Variants in ITPRID1 observed in about 807,000 individuals in gnomAD.
ITPRID1 encodes protein ITPRID1.
Under a neutral mutation model 95.4 loss-of-function variants are expected in ITPRID1, and 96 were observed. The observed-to-expected ratio is 1.01, with a 90% CI of 0.85 to 1.19. The LOEUF is 1.19. Among genes scored for constraint, ITPRID1 ranks in the 50% most tolerant of loss-of-function variants. The probability of loss-of-function intolerance (pLI) is 0.00; values close to 1 mark genes in which losing one functional copy is unlikely to be tolerated. For missense variants in ITPRID1, 1,339 were observed against 1,252.9 expected (o/e 1.07, Z -1.04); for synonymous variants, 510 against 453.6 (o/e 1.12, Z -1.58).
intron 10 of ITPRID1, among the ~76,000 whole-genome samples, chr7:31,592,358 A>C (rs889470886): frequency 3.9e-5 from 6 of 152,358 alleles, no homozygotes; most frequent in African/African-American, 1.4e-4. Flanking sequence ...AATAAGCATA[A>C]TAACAGCATC....
chr7:31,642,411 G>A (rs948290613), intron 11 of ITPRID1, among the ~76,000 whole-genome samples, 153 bp downstream of exon 11: 6 of 152,172 alleles, frequency 3.9e-5, no homozygotes, highest in African/African-American at 1.4e-4. Flanking sequence ...GAAGGCACAA[G>A]CCACCTGCAC....
At chr7:31,594,852 G>A (rs528536502) in intron 10 of ITPRID1, among the ~76,000 whole-genome samples, 154 of 148,828 alleles carry the variant, frequency 1.0e-3, no homozygotes, top group African/African-American at 3.5e-3. Context: ...GCAAGACTCC[G>A]TTTCAAAAAA....
Position 31,643,796 on chromosome 7 carries a change from G to T in ITPRID1, c.2426G>T (p.Cys809Phe). 1 of 1,613,796 alleles carries T rather than the reference G, an allele frequency of 6.2e-7. No individual in the cohort carries two copies. Among genetic ancestry groups the T allele is most frequent in the Non-Finnish European group, 8.5e-7 (1 of 1,179,860 alleles). The change falls in exon 12 of 15, where the codon TGT becomes TTT. Residue 809 changes from cysteine to phenylalanine, a missense_variant. Cys to Phe is a radical substitution (Grantham distance 205, BLOSUM62 -2). Coordinates refer to ENST00000615280, the MANE Select transcript of ITPRID1 (RefSeq NM_001257967.3). ...ATACCTGCCCACTGCTGCATCTGCT[G>T]TCATCACCACCCTCACTGCCACGGG... ...HAIPAHCCIC[C>F]HHHPHCHGER...
intron 1 of ITPRID1, among the ~76,000 whole-genome samples, chr7:31,535,076 C>T (rs981970763): frequency 2.0e-5 from 3 of 152,032 alleles, no homozygotes; most frequent in Admixed American, 2.0e-4. Context: ...TGAAATATGG[C>T]TAATGCAACC....
At chr7:31,535,631 C>T (rs984122425) in intron 1 of ITPRID1, among the ~76,000 whole-genome samples, 6 of 151,952 alleles carry the variant, frequency 3.9e-5, no homozygotes, top group Non-Finnish European at 8.8e-5. Flanking sequence ...TTTAAAAGCA[C>T]TTTCTTTTGT....
intron 10 of ITPRID1, among the ~76,000 whole-genome samples, chr7:31,625,010 A>G (rs1583630584): frequency 6.6e-6 from 1 of 152,244 alleles, no homozygotes; most frequent in Admixed American, 6.5e-5. Context: ...CAGTCAAAAA[A>G]CACATGAAAA....
chr7:31,565,526 A>T (rs1216704422), intron 5 of ITPRID1, among the ~76,000 whole-genome samples: 6 of 152,178 alleles, frequency 3.9e-5, no homozygotes, highest in African/African-American at 1.4e-4. Context: ...GCTTGAGGTC[A>T]GGAGTTCAAG....
chr7:31,637,154 G>C (rs910263417), intron 10 of ITPRID1, among the ~76,000 whole-genome samples: 2 of 151,924 alleles, frequency 1.3e-5, no homozygotes, highest in African/African-American at 4.8e-5. Flanking sequence ...CATTTGGGTT[G>C]GTTCCAAGTC....
At chr7:31,519,645 T>TATATATATATATATATAAAA (rs1332451516) in intron 1 of ITPRID1, among the ~76,000 whole-genome samples, 1 of 115,116 alleles carries the variant, frequency 8.7e-6, no homozygotes, top group Non-Finnish European at 1.7e-5. Context: ...TATATATATA[T>TATATATATATATATATAAAA]AAATCTTATG....
intron 10 of ITPRID1, among the ~76,000 whole-genome samples, chr7:31,641,086 T>C (rs1420608179): frequency 1.3e-5 from 2 of 152,160 alleles, no homozygotes; most frequent in East Asian, 3.9e-4. Flanking sequence ...ACATGGACCG[T>C]TAAGGCTCTC....
At chr7:31,592,172 A>G (rs1393935136) in intron 10 of ITPRID1, among the ~76,000 whole-genome samples, 5 of 152,214 alleles carry the variant, frequency 3.3e-5, no homozygotes, top group Admixed American at 3.3e-4. Context: ...CCCCAGGTAT[A>G]TCATCCACTA....
chr7:31,638,037 C>T (rs1211688596), intron 10 of ITPRID1, among the ~76,000 whole-genome samples: 5 of 152,144 alleles, frequency 3.3e-5, no homozygotes, highest in Non-Finnish European at 5.9e-5. Context: ...GGGCTGCCCT[C>T]TCAACAGGTT....
At chr7:31,569,011 G>C (rs1407420979) in intron 5 of ITPRID1, among the ~76,000 whole-genome samples, 1 of 152,204 alleles carries the variant, frequency 6.6e-6, no homozygotes, top group Non-Finnish European at 1.5e-5. Flanking sequence ...AATTACAAGA[G>C]AATGTGTGTG....
intron 10 of ITPRID1, among the ~76,000 whole-genome samples, chr7:31,619,188 G>A (rs922465926): frequency 6.6e-6 from 1 of 152,148 alleles, no homozygotes; most frequent in Non-Finnish European, 1.5e-5. Flanking sequence ...TACAGGCAAG[G>A]TGTCCTTTCT....
chr7:31,515,602 A>C (rs1377944291), intron 1 of ITPRID1, among the ~76,000 whole-genome samples: 2 of 152,084 alleles, frequency 1.3e-5, no homozygotes, highest in African/African-American at 4.8e-5. Context: ...CAAAACAAAA[A>C]AGAGTCAAAT....
chr7:31,593,889 A>G (rs184717076), intron 10 of ITPRID1, among the ~76,000 whole-genome samples: 14 of 152,326 alleles, frequency 9.2e-5, no homozygotes, highest in Non-Finnish European at 2.9e-5. Context: ...GGAATAATTT[A>G]ATATGTGTTC....
rs1455872914 is a variant in ITPRID1, at chr7:31,653,893, A to G, written c.*1064A>G. Among the ~76,000 whole-genome samples the G allele has an allele frequency of 6.6e-6, 1 of 152,176 alleles. No homozygotes were observed. The highest frequency in any genetic ancestry group is 1.5e-5 in the Non-Finnish European group (1 of 68,034). On this transcript the variant is annotated 3_prime_UTR_variant, in exon 15 of 15. Transcript: ENST00000615280. Reference sequence around the variant, plus strand: ...GGAAGTAACAACAGAAGAGGGAAGGAGGATCCAGGCCTCAGAGGTACCAGA... The same window carrying G: ...GGAAGTAACAACAGAAGAGGGAAGGGGGATCCAGGCCTCAGAGGTACCAGA...
intron 1 of ITPRID1, among the ~76,000 whole-genome samples, chr7:31,520,710 G>T (rs547466396): frequency 7.2e-5 from 11 of 152,210 alleles, no homozygotes; most frequent in African/African-American, 1.9e-4. Context: ...TTCATTACTA[G>T]TGGAGTGTTT....
intron 10 of ITPRID1, among the ~76,000 whole-genome samples, chr7:31,631,054 T>C (rs1788946942): frequency 6.6e-6 from 1 of 152,190 alleles, no homozygotes. Context: ...TCAATAACTA[T>C]TGAAGAAATT....
Sources: gnomAD v4.1 joint callset for allele counts (sites outside exome capture counted in the v4.1 genomes callset) on GRCh38, gnomAD v4.1.1 for gene constraint, MANE v1.5 for transcripts, NCBI Gene and HGNC (gene_info 2026-07-23, HGNC 2026-07-21) for gene names.